Variants in DSCAM observed in about 807,000 individuals in gnomAD.
The protein encoded by DSCAM is cell adhesion molecule DSCAM.
In DSCAM, 47 loss-of-function variants were observed where a neutral mutation model predicts 217.7. That is an observed-to-expected ratio of 0.22 (90% CI 0.17 to 0.28). The LOEUF (loss-of-function observed/expected upper bound fraction) is 0.28, where lower values mean the gene tolerates loss of function less well. Ranked by LOEUF, DSCAM falls within the 10% of genes least tolerant of loss-of-function variation. DSCAM has a pLI of 1.00. For missense variants in DSCAM, 2,080 were observed against 2,618.3 expected, an observed-to-expected ratio of 0.79 and a Z score of 4.49; for synonymous variants, 1,056 against 1,015.3, an observed-to-expected ratio of 1.04 and a Z score of -0.76.
At chr21:40,132,924 C>T (rs1265186400) in intron 19 of DSCAM, among the ~76,000 whole-genome samples, 1 of 152,110 alleles carries the variant, frequency 6.6e-6, no homozygotes, top group African/African-American at 2.4e-5. Flanking sequence ...CAGCAATGGC[C>T]AACAGCTTTC....
intron 3 of DSCAM, among the ~76,000 whole-genome samples, chr21:40,498,779 GTGTATATA>G (rs1168623131): frequency 0.012 from 869 of 69,928 alleles, 20 homozygotes; most frequent in Middle Eastern, 0.031. Context: ...ATATATGGGT[GTGTATATA>G]TATATATATA....
intron 3 of DSCAM, among the ~76,000 whole-genome samples, chr21:40,539,539 G>C (rs1232435739): frequency 1.3e-5 from 2 of 151,976 alleles, no homozygotes; most frequent in African/African-American, 4.8e-5. Flanking sequence ...GGGATTTCCA[G>C]TGAAATTTTA....
intron 11 of DSCAM, among the ~76,000 whole-genome samples, chr21:40,249,684 C>A (rs1049887465): frequency 6.6e-6 from 1 of 152,124 alleles, no homozygotes; most frequent in Non-Finnish European, 1.5e-5. Context: ...TGTGATGTGG[C>A]AGGTCTCAGG....
intron 3 of DSCAM, among the ~76,000 whole-genome samples, chr21:40,392,252 T>G (rs563543182): frequency 6.6e-6 from 1 of 152,168 alleles, no homozygotes; most frequent in Non-Finnish European, 1.5e-5. Flanking sequence ...GATATTTATG[T>G]ACAGGTATTA....
intron 18 of DSCAM, among the ~76,000 whole-genome samples, chr21:40,137,255 T>G (rs1177071295): frequency 3.9e-5 from 2 of 51,090 alleles, no homozygotes; most frequent in Non-Finnish European, 1.1e-4. Flanking sequence ...CTAATTAGAA[T>G]TAACATTGGG....
intron 15 of DSCAM, among the ~76,000 whole-genome samples, chr21:40,171,034 T>C (rs538345017): frequency 6.6e-6 from 1 of 152,320 alleles, no homozygotes; most frequent in South Asian, 2.1e-4. Context: ...TATCATAATG[T>C]AATCATGAAT....
intron 20 of DSCAM, among the ~76,000 whole-genome samples, chr21:40,101,224 C>A (rs988646322): frequency 6.6e-6 from 1 of 152,162 alleles, no homozygotes; most frequent in Non-Finnish European, 1.5e-5. Context: ...GAGGAAAAAG[C>A]CTGTTATTTC....
intron 1 of DSCAM, among the ~76,000 whole-genome samples, chr21:40,716,596 G>A (rs952236612): frequency 6.6e-6 from 1 of 152,100 alleles, no homozygotes; most frequent in Non-Finnish European, 1.5e-5. Context: ...CATAACCAAG[G>A]CTCCACTGAC....
chr21:40,117,672 G>A (rs1294485066), intron 20 of DSCAM, among the ~76,000 whole-genome samples: 1 of 152,116 alleles, frequency 6.6e-6, no homozygotes, highest in Non-Finnish European at 1.5e-5. Context: ...AAGTCAAATG[G>A]AACAGAAAAT....
At chr21:40,152,570 CCT>C (rs151242269) in intron 16 of DSCAM, among the ~76,000 whole-genome samples, 7,752 of 152,278 alleles carry the variant, frequency 0.051, 249 homozygotes, top group East Asian at 0.13. Flanking sequence ...TCCCAGATGC[CCT>C]TTCTCCAGCT....
At chr21:40,648,629 T>C (rs1026757817) in intron 3 of DSCAM, among the ~76,000 whole-genome samples, 25 of 152,178 alleles carry the variant, frequency 1.6e-4, no homozygotes, top group African/African-American at 5.8e-4. Flanking sequence ...CCTTTCCTAA[T>C]TAGTTTTCTA....
intron 3 of DSCAM, among the ~76,000 whole-genome samples, chr21:40,499,174 C>T (rs1280837841): frequency 6.6e-6 from 1 of 152,062 alleles, no homozygotes; most frequent in Non-Finnish European, 1.5e-5. Flanking sequence ...TACTTGCAGA[C>T]TATAAAAGAT....
At chr21:40,475,841 A>G (rs1433114402) in intron 3 of DSCAM, among the ~76,000 whole-genome samples, 1 of 152,018 alleles carries the variant, frequency 6.6e-6, no homozygotes, top group Non-Finnish European at 1.5e-5. Context: ...AAATAAATAA[A>G]TTAATAAATA....
chr21:40,208,424 A>G (rs2091148540), intron 11 of DSCAM, among the ~76,000 whole-genome samples: 1 of 152,230 alleles, frequency 6.6e-6, no homozygotes, highest in African/African-American at 2.4e-5. Flanking sequence ...ATTGCACTCC[A>G]GCCTGGGCAA....
intron 9 of DSCAM, among the ~76,000 whole-genome samples, chr21:40,297,121 A>C (rs1479310782): frequency 6.6e-6 from 1 of 152,176 alleles, no homozygotes; most frequent in East Asian, 1.9e-4. Flanking sequence ...GTTGCAGTGA[A>C]GTACCATAAA....
intron 29 of DSCAM, among the ~76,000 whole-genome samples, chr21:40,054,688 A>G (rs776368569): frequency 5.3e-5 from 8 of 152,176 alleles, no homozygotes; most frequent in Non-Finnish European, 8.8e-5. Flanking sequence ...AAAAGCTTGG[A>G]TAACTTCTGG....
intron 32 of DSCAM, among the ~76,000 whole-genome samples, chr21:40,013,735 T>G (rs990614604): frequency 1.3e-5 from 2 of 152,184 alleles, no homozygotes; most frequent in Non-Finnish European, 2.9e-5. Context: ...CGAACGGTGA[T>G]AGACCAAACC....
chr21:40,461,030 G>T (rs1346347807), intron 3 of DSCAM, among the ~76,000 whole-genome samples: 2 of 152,054 alleles, frequency 1.3e-5, no homozygotes, highest in Admixed American at 1.3e-4. Context: ...GTTCATAGTT[G>T]CAAAAGAATT....
chr21:40,247,824 C>T (rs1254626281), intron 11 of DSCAM, among the ~76,000 whole-genome samples: 1 of 152,224 alleles, frequency 6.6e-6, no homozygotes. Context: ...CCCCACATTT[C>T]CCTTTGACAC....
Sources: allele counts gnomAD v4.1 joint callset (sites outside exome capture counted in the v4.1 genomes callset), GRCh38; gene constraint gnomAD v4.1.1; transcripts MANE v1.5; gene names NCBI Gene and HGNC (gene_info 2026-07-23, HGNC 2026-07-21).